The following DAB1 variants were observed in gnomAD, a reference collection of about 807,000 sequenced individuals.
The protein encoded by DAB1 is disabled homolog 1.
DAB1 carries 15 observed loss-of-function variants against 64.6 expected under a neutral mutation model. That is an observed-to-expected ratio of 0.23 (90% CI 0.16 to 0.36). The LOEUF (loss-of-function observed/expected upper bound fraction) is 0.36. Among genes scored for constraint, DAB1 ranks in the 10% least tolerant of loss-of-function variants. The probability of loss-of-function intolerance (pLI) is 1.00; values close to 1 mark genes in which losing one functional copy is unlikely to be tolerated. For synonymous variants in DAB1, 235 were observed against 251.9 expected (o/e 0.93, Z 0.64); for missense variants, 596 against 706.7 (o/e 0.84, Z 1.78).
intron 6 of DAB1, among the ~76,000 whole-genome samples, chr1:57,662,423 C>T (rs1262061410): frequency 1.3e-5 from 2 of 152,092 alleles, no homozygotes; most frequent in East Asian, 1.9e-4. Context: ...CTCGAACTCC[C>T]GACCTCAGGT....
At chr1:57,898,313 G>A (rs1644421955) in intron 5 of DAB1, among the ~76,000 whole-genome samples, 1 of 152,090 alleles carries the variant, frequency 6.6e-6, no homozygotes, top group Non-Finnish European at 1.5e-5. Context: ...ACTACCAATG[G>A]CTGGGATTTT....
At chr1:57,503,025 G>T (rs1644307349) in intron 7 of DAB1, among the ~76,000 whole-genome samples, 1 of 152,170 alleles carries the variant, frequency 6.6e-6, no homozygotes, top group African/African-American at 2.4e-5. Context: ...AGGAAACTAA[G>T]ACTCAGAGAC....
In DAB1 at chr1:57,223,119, C is replaced by T. The variant is rs538633018; in HGVS notation, c.67+67845G>A. 1.8e-4 allele frequency among the ~76,000 whole-genome samples: 28 copies of T among 152,256 alleles called. No homozygotes were observed. In the South Asian group the frequency reaches 5.0e-3, roughly 27 times the overall value. ...ACATGTAGGGCTCTTTCATAACTTC[C>T]TTTTGCCGCCAAAATGCCTCTCCTC... On this transcript the variant is annotated intron_variant, in intron 2 of 14. Coordinates refer to ENST00000371236, the MANE Select transcript of DAB1 (RefSeq NM_001365792.1).
At chr1:57,392,767 TAGCCAGA>T (rs1682487083) in intron 1 of DAB1, among the ~76,000 whole-genome samples, 1 of 152,136 alleles carries the variant, frequency 6.6e-6, no homozygotes, top group African/African-American at 2.4e-5. Context: ...GTTCGGGAAA[TAGCCAGA>T]AGATCAACGT....
chr1:58,418,772 G>A (rs910039233), intron 3 of DAB1, among the ~76,000 whole-genome samples: 2 of 152,030 alleles, frequency 1.3e-5, no homozygotes, highest in African/African-American at 4.8e-5. Flanking sequence ...TGTTTGGAGA[G>A]TAGAAAAAAG....
At chr1:57,174,355 AATG>A (rs1255853749) in intron 2 of DAB1, among the ~76,000 whole-genome samples, 1 of 152,168 alleles carries the variant, frequency 6.6e-6, no homozygotes, top group African/African-American at 2.4e-5. Flanking sequence ...AATAAATTTA[AATG>A]CATTTTCAGA....
At chr1:58,140,964 G>T (rs1654249944) in intron 5 of DAB1, among the ~76,000 whole-genome samples, 1 of 152,126 alleles carries the variant, frequency 6.6e-6, no homozygotes, top group African/African-American at 2.4e-5. Context: ...ATCTGAATGG[G>T]TGTTTTATAA....
chr1:57,313,397 T>C (rs1674904065), intron 1 of DAB1, among the ~76,000 whole-genome samples: 1 of 152,164 alleles, frequency 6.6e-6, no homozygotes, highest in Non-Finnish European at 1.5e-5. Context: ...TCAATTACAG[T>C]GTTGGTATTA....
chr1:57,062,361 A>C (rs1378097436), intron 9 of DAB1, among the ~76,000 whole-genome samples: 3 of 152,022 alleles, frequency 2.0e-5, no homozygotes, highest in Admixed American at 6.6e-5. Flanking sequence ...CTTCTCAACC[A>C]CTTTCAAATT....
At chr1:58,106,134 CTCTTTCTTTCTTT>C (rs1651625866) in intron 5 of DAB1, among the ~76,000 whole-genome samples, 1 of 148,732 alleles carries the variant, frequency 6.7e-6, no homozygotes, top group African/African-American at 2.5e-5. Flanking sequence ...TCTTTTCTTT[CTCTTTCTTTCTTT>C]TCTTTCTTTC....
At chr1:58,369,597 A>G (rs890949751) in intron 3 of DAB1, among the ~76,000 whole-genome samples, 3 of 152,266 alleles carry the variant, frequency 2.0e-5, no homozygotes, top group African/African-American at 7.2e-5. Flanking sequence ...TCATTTATCT[A>G]GCCACATGCC....
intron 4 of DAB1, among the ~76,000 whole-genome samples, chr1:57,112,304 C>G (rs1304430028): frequency 6.6e-6 from 1 of 152,178 alleles, no homozygotes; most frequent in Non-Finnish European, 1.5e-5. Context: ...CACTGTGAAT[C>G]TCCAGGCTAG....
intron 1 of DAB1, among the ~76,000 whole-genome samples, chr1:57,414,756 C>T (rs1684365391): frequency 6.6e-6 from 1 of 152,120 alleles, no homozygotes; most frequent in South Asian, 2.1e-4. Context: ...ATAACATTTA[C>T]AATGGCAATT....
chr1:57,790,553 A>T (rs1650546023), intron 6 of DAB1, among the ~76,000 whole-genome samples: 1 of 152,158 alleles, frequency 6.6e-6, no homozygotes. Flanking sequence ...GGGAAAGACA[A>T]GTAGAAGTAT....
intron 7 of DAB1, among the ~76,000 whole-genome samples, chr1:57,605,278 T>TCTC (rs543769914): frequency 2.9e-3 from 447 of 152,318 alleles, no homozygotes; most frequent in Non-Finnish European, 4.0e-3. Context: ...GCAGGAATTA[T>TCTC]CATTTATCTC....
intron 3 of DAB1, among the ~76,000 whole-genome samples, chr1:58,494,633 G>C (rs1645763092): frequency 6.6e-6 from 1 of 152,064 alleles, no homozygotes. Context: ...CTTCTCAAAA[G>C]AAGACATTTA....
At chr1:58,342,500 T>C (rs1643951036) in intron 4 of DAB1, among the ~76,000 whole-genome samples, 1 of 152,186 alleles carries the variant, frequency 6.6e-6, no homozygotes, top group Non-Finnish European at 1.5e-5. Flanking sequence ...AACATAACTA[T>C]TATCCATTCA....
intron 5 of DAB1, among the ~76,000 whole-genome samples, chr1:58,042,731 C>T (rs1647155894): frequency 6.6e-6 from 1 of 152,184 alleles, no homozygotes; most frequent in Non-Finnish European, 1.5e-5. Flanking sequence ...TTCAACACAT[C>T]TGAAACTCAG....
intron 2 of DAB1, among the ~76,000 whole-genome samples, chr1:57,272,027 A>G (rs1314655058): frequency 1.3e-5 from 2 of 152,206 alleles, no homozygotes; most frequent in African/African-American, 4.8e-5. Flanking sequence ...CACAGGGAGA[A>G]AGAAGCATGA....
Sources: gnomAD v4.1 joint callset for allele counts (sites outside exome capture counted in the v4.1 genomes callset) on GRCh38, gnomAD v4.1.1 for gene constraint, MANE v1.5 for transcripts, NCBI Gene and HGNC (gene_info 2026-07-23, HGNC 2026-07-21) for gene names.